TRPS1: variants seen among roughly 807,000 people sequenced by gnomAD.
The protein encoded by TRPS1 is transcriptional repressor GATA binding 1.
In TRPS1, 6 loss-of-function variants were observed where a neutral mutation model predicts 101.2. That is an observed-to-expected ratio of 0.06 (90% confidence interval 0.03 to 0.12). TRPS1 has a LOEUF of 0.12. TRPS1 is among the 10% of genes least tolerant of loss of function. TRPS1 has a pLI of 1.00. For missense variants in TRPS1, 1,363 were observed against 1,567.0 expected, an observed-to-expected ratio of 0.87 and a Z score of 2.20; for synonymous variants, 578 against 589.8, an observed-to-expected ratio of 0.98 and a Z score of 0.29.
chr8:115,616,134 G>A (rs1480736496), intron 3 of TRPS1, among the ~76,000 whole-genome samples: 2 of 152,202 alleles, frequency 1.3e-5, no homozygotes, highest in Non-Finnish European at 2.9e-5. Context: ...AGAAAGGACA[G>A]TCTTGGCTTT....
rs1320686759 is a variant in TRPS1 at position 115,657,120 on chromosome 8, A to G, written c.-122+11425T>C. Among the ~76,000 whole-genome samples, 3 of 152,172 alleles carry G rather than the reference A, an allele frequency of 2.0e-5. No homozygotes were observed. In the South Asian group the frequency reaches 6.2e-4, roughly 31 times the overall value. ...CCAGTGATTAACTCTGGAACTGCCT[A>G]GCCAAAAACAACTTTCGGCACTTAA... is the stretch of plus-strand genomic sequence containing the variant. On this transcript the variant is annotated intron_variant, in intron 1 of 6. Transcript: ENST00000395715.
intron 5 of TRPS1, among the ~76,000 whole-genome samples, chr8:115,543,028 G>A (rs946238077): frequency 1.3e-5 from 2 of 152,038 alleles, no homozygotes; most frequent in African/African-American, 2.4e-5. Context: ...TGACATAAAC[G>A]ATTTCAGCAA....
chr8:115,501,931 C>T (rs988344909), intron 5 of TRPS1, among the ~76,000 whole-genome samples: 2 of 152,040 alleles, frequency 1.3e-5, no homozygotes, highest in African/African-American at 4.8e-5. Context: ...TCATTGCCAG[C>T]AGGATACAAC....
intron 5 of TRPS1, among the ~76,000 whole-genome samples, chr8:115,424,017 T>C (rs73705192): frequency 0.011 from 1,704 of 152,316 alleles, 34 homozygotes; most frequent in African/African-American, 0.039. Flanking sequence ...GACATGGATA[T>C]TCATCTTCAA....
At chr8:115,429,573 G>A (rs542464537) in intron 5 of TRPS1, among the ~76,000 whole-genome samples, 1 of 152,136 alleles carries the variant, frequency 6.6e-6, no homozygotes, top group African/African-American at 2.4e-5. Context: ...TCAGTCATCC[G>A]TACCAAAAGG....
intron 5 of TRPS1, among the ~76,000 whole-genome samples, chr8:115,430,873 C>T (rs940767118): frequency 2.0e-5 from 3 of 151,624 alleles, no homozygotes; most frequent in Admixed American, 6.6e-5. Flanking sequence ...TCAAGAAATT[C>T]CATGAGTTTC....
intron 5 of TRPS1, among the ~76,000 whole-genome samples, chr8:115,504,600 G>T (rs1026586065): frequency 7.2e-5 from 11 of 152,156 alleles, no homozygotes; most frequent in Non-Finnish European, 1.3e-4. Flanking sequence ...TTGTTTTTTT[G>T]TAAGTGGTAG....
intron 5 of TRPS1, among the ~76,000 whole-genome samples, chr8:115,504,775 A>G (rs1339543180): frequency 1.3e-5 from 2 of 152,220 alleles, no homozygotes; most frequent in African/African-American, 4.8e-5. Flanking sequence ...TTGAAAATAT[A>G]TGACCTTTTA....
intron 5 of TRPS1, among the ~76,000 whole-genome samples, chr8:115,500,689 C>T (rs1586338159): frequency 1.3e-5 from 2 of 152,248 alleles, no homozygotes; most frequent in South Asian, 4.1e-4. Flanking sequence ...CTTGCCTCAG[C>T]CTCCCGAGTA....
chr8:115,662,094 T>C (rs1218505268), intron 1 of TRPS1, among the ~76,000 whole-genome samples: 2 of 152,084 alleles, frequency 1.3e-5, no homozygotes, highest in Admixed American at 6.6e-5. Flanking sequence ...AATCTTTAAC[T>C]AAAGAAGCCA....
chr8:115,440,598 A>G (rs758628927), intron 5 of TRPS1, among the ~76,000 whole-genome samples: 3 of 152,240 alleles, frequency 2.0e-5, no homozygotes, highest in Non-Finnish European at 4.4e-5. Context: ...TTACATTTCT[A>G]TAATGGAAAA....
At chr8:115,464,403 T>G (rs994195389) in intron 5 of TRPS1, among the ~76,000 whole-genome samples, 3 of 152,146 alleles carry the variant, frequency 2.0e-5, no homozygotes, top group African/African-American at 7.2e-5. Context: ...TCAGAAACTA[T>G]AATGATGGAC....
intron 4 of TRPS1, among the ~76,000 whole-genome samples, chr8:115,595,617 T>G (rs1817768576): frequency 6.6e-6 from 1 of 151,900 alleles, no homozygotes; most frequent in African/African-American, 2.4e-5. Context: ...AAATCAAACT[T>G]AGAATCCCCT....
intron 1 of TRPS1, among the ~76,000 whole-genome samples, chr8:115,643,561 C>T (rs982875135): frequency 5.3e-5 from 8 of 152,180 alleles, no homozygotes; most frequent in African/African-American, 1.7e-4. Flanking sequence ...TCTTCAGGCT[C>T]CACTTCTAAT....
intron 3 of TRPS1, among the ~76,000 whole-genome samples, chr8:115,610,603 G>C (rs1046206443): frequency 1.3e-5 from 2 of 151,990 alleles, no homozygotes; most frequent in Non-Finnish European, 2.9e-5. Context: ...GGCAGGGGAG[G>C]GTACAGGGGA....
At chr8:115,630,322 A>G (rs1818611110) in intron 1 of TRPS1, among the ~76,000 whole-genome samples, 1 of 151,904 alleles carries the variant, frequency 6.6e-6, no homozygotes, top group Non-Finnish European at 1.5e-5. Flanking sequence ...GTCAATCTTC[A>G]CTTTCAAATT....
At chr8:115,438,467 C>A (rs1016343319) in intron 5 of TRPS1, among the ~76,000 whole-genome samples, 19 of 152,162 alleles carry the variant, frequency 1.2e-4, no homozygotes, top group Admixed American at 3.3e-4. Context: ...AGCAACTGGT[C>A]AATCATGATG....
At position 115,623,673 on chromosome 8, in the gene TRPS1, A is replaced by G. The variant is rs769465305; in HGVS notation, c.-36T>C. On this transcript the variant is annotated 5_prime_UTR_variant, in exon 2 of 7. Coordinates refer to ENST00000395715, the MANE Select transcript of TRPS1 (RefSeq NM_014112.5). ...AGTGCTTTTTACAATTATTAATTCTATTAGTCAACTAGCAGGAGGCTAATG... is the reference window on the plus strand; with the variant it reads ...AGTGCTTTTTACAATTATTAATTCTGTTAGTCAACTAGCAGGAGGCTAATG... 7.5e-6 allele frequency: 12 copies of G among 1,607,614 alleles called. No individual in the cohort carries two copies. In the South Asian group the frequency reaches 7.7e-5, roughly 10 times the overall value.
intron 5 of TRPS1, among the ~76,000 whole-genome samples, chr8:115,533,449 T>TTTTTTTTTTTTTTTTTTTTTTTTTTTA (rs1816197365): frequency 8.1e-6 from 1 of 123,322 alleles, no homozygotes; most frequent in Non-Finnish European, 1.6e-5. Context: ...TTTTTTTTTT[T>TTTTTTTTTTTTTTTTTTTTTTTTTTTA]TTTTTTTTTT....
Sources: gnomAD v4.1 joint callset for allele counts (sites outside exome capture counted in the v4.1 genomes callset) on GRCh38, gnomAD v4.1.1 for gene constraint, MANE v1.5 for transcripts, NCBI Gene and HGNC (gene_info 2026-07-23, HGNC 2026-07-21) for gene names.